Variants in NUBPL observed in about 807,000 individuals in gnomAD.
The protein encoded by NUBPL is iron-sulfur cluster transfer protein NUBPL.
A neutral mutation model predicts 45.7 loss-of-function variants in NUBPL; 31 were observed. The ratio of observed to expected loss-of-function variants is 0.68; its 90% CI spans 0.51 to 0.92. NUBPL has a LOEUF of 0.92. NUBPL is among the 40% of genes least tolerant of loss of function. The pLI, the probability that NUBPL is intolerant of heterozygous loss-of-function variation, is 0.00. For synonymous variants in NUBPL, 144 were observed against 140.9 expected (o/e 1.02, Z -0.15); for missense variants, 401 against 398.7 (o/e 1.01, Z -0.05).
intron 7 of NUBPL, among the ~76,000 whole-genome samples, chr14:31,788,377 T>G (rs1276214276): frequency 6.6e-6 from 1 of 152,228 alleles, no homozygotes; most frequent in East Asian, 1.9e-4. Flanking sequence ...AGTTCCTGCC[T>G]GTCTCAAGTC....
At chr14:31,649,897 T>C (rs891979996) in intron 4 of NUBPL, among the ~76,000 whole-genome samples, 6 of 152,182 alleles carry the variant, frequency 3.9e-5, no homozygotes, top group African/African-American at 1.4e-4. Context: ...TTCACTCTTG[T>C]TGCCCAGGCT....
intron 3 of NUBPL, among the ~76,000 whole-genome samples, chr14:31,592,743 T>G (rs1204780880): frequency 1.3e-5 from 2 of 152,192 alleles, no homozygotes; most frequent in African/African-American, 2.4e-5. Context: ...ATTATCTATA[T>G]TTCTGTTTTT....
chr14:31,822,641 A>T (rs140419187), intron 7 of NUBPL, among the ~76,000 whole-genome samples: 131 of 152,216 alleles, frequency 8.6e-4, no homozygotes, highest in African/African-American at 3.0e-3. Flanking sequence ...TAAGGACTTA[A>T]TCATTAATTA....
intron 3 of NUBPL, among the ~76,000 whole-genome samples, chr14:31,582,542 G>GC (rs1287289334): frequency 1.3e-5 from 2 of 152,142 alleles, no homozygotes; most frequent in Non-Finnish European, 2.9e-5. Context: ...AATGTTTGCA[G>GC]CAACACTGGA....
chr14:31,610,391 C>A lies in NUBPL; in HGVS notation c.382+11012C>A, dbSNP rs557198949. ...TTCAATCTTCCTAAACTTAAACAGA[C>A]CAACAACAAGTAACAAGATCAATGC... is the stretch of plus-strand genomic sequence containing the variant. On this transcript the variant is annotated intron_variant, in intron 4 of 10. Transcript: ENST00000281081. Among the ~76,000 whole-genome samples, 20 of 151,782 alleles carry A rather than the reference C, an allele frequency of 1.3e-4. No individual in the cohort carries two copies. The East Asian group carries it at 2.1e-3, about 16-fold the overall frequency.
chr14:31,646,115 T>C (rs1447600742), intron 4 of NUBPL, among the ~76,000 whole-genome samples: 2 of 152,160 alleles, frequency 1.3e-5, no homozygotes, highest in Non-Finnish European at 2.9e-5. Context: ...GACTATCTTT[T>C]CTTCATATTT....
At chr14:31,789,405 A>C (rs2039340070) in intron 7 of NUBPL, among the ~76,000 whole-genome samples, 1 of 152,174 alleles carries the variant, frequency 6.6e-6, no homozygotes, top group African/African-American at 2.4e-5. Flanking sequence ...GGAGAATTTT[A>C]TAGTCTGCTA....
chr14:31,644,233 TGTTGTGTTA>T lies in NUBPL; in HGVS notation c.383-29121_383-29113del, dbSNP rs558909463. 1.4e-4 allele frequency among the ~76,000 whole-genome samples: 22 copies of T among 152,156 alleles called. No homozygotes were observed. The South Asian group carries it at 4.6e-3, about 32-fold the overall frequency. The stretch of plus-strand genomic sequence containing the variant: ...TTTAGTTTCTTGAGATGCATTGATA[TGTTGTGTTA>T]AGTTATTTATTTGAAGTCTTTCTTT... On this transcript the variant is annotated intron_variant, in intron 4 of 10. Coordinates refer to ENST00000281081, the MANE Select transcript of NUBPL (RefSeq NM_025152.3).
chr14:31,581,086 T>C (rs750143307), intron 3 of NUBPL, among the ~76,000 whole-genome samples: 2 of 152,154 alleles, frequency 1.3e-5, no homozygotes, highest in Non-Finnish European at 2.9e-5. Context: ...AGTTGATAGC[T>C]TGGACTATGG....
intron 7 of NUBPL, among the ~76,000 whole-genome samples, chr14:31,802,551 C>G (rs1461843320): frequency 6.6e-6 from 1 of 152,204 alleles, no homozygotes; most frequent in African/African-American, 2.4e-5. Context: ...GCTGGGATTA[C>G]AGGCGTGAGC....
At chr14:31,840,446 C>T (rs569679039) in intron 8 of NUBPL, among the ~76,000 whole-genome samples, 25 of 151,936 alleles carry the variant, frequency 1.6e-4, no homozygotes, top group Admixed American at 7.9e-4. Flanking sequence ...TGGTGGCGGG[C>T]GCCTGTAGTC....
chr14:31,571,560 C>A (rs1009024071), intron 3 of NUBPL, among the ~76,000 whole-genome samples: 1 of 152,048 alleles, frequency 6.6e-6, no homozygotes, highest in Non-Finnish European at 1.5e-5. Flanking sequence ...AGTGATTCTC[C>A]TGCCTCAGCC....
At chr14:31,590,466 T>G (rs1442457018) in intron 3 of NUBPL, among the ~76,000 whole-genome samples, 1 of 152,192 alleles carries the variant, frequency 6.6e-6, no homozygotes, top group Non-Finnish European at 1.5e-5. Flanking sequence ...CAAAACCAGC[T>G]GCTGGGCCGC....
chr14:31,561,974 C>A lies in NUBPL; in HGVS notation c.109-94C>A, dbSNP rs373367452. The A allele has an allele frequency of 2.5e-5, 32 of 1,286,436 alleles. No homozygotes were observed. In the East Asian group the frequency reaches 7.3e-4, roughly 29 times the overall value. The allele number at this position is 1,286,436 out of a possible 1,614,324, so 79.7% of individuals were successfully genotyped here. Reference sequence around the variant, plus strand: ...GAGCAGAATTAGAAAAGAAAGCCCTCTTAATTGCAAACCCCAGATTGTTTT... The same window carrying A: ...GAGCAGAATTAGAAAAGAAAGCCCTATTAATTGCAAACCCCAGATTGTTTT... On this transcript the variant is annotated intron_variant, in intron 1 of 10. Transcript: ENST00000281081.
At chr14:31,732,372 C>T (rs1444827216) in intron 6 of NUBPL, among the ~76,000 whole-genome samples, 1 of 151,794 alleles carries the variant, frequency 6.6e-6, no homozygotes, top group Admixed American at 6.6e-5. Flanking sequence ...TTTAAAAACA[C>T]TTTTTTAATA....
intron 7 of NUBPL, among the ~76,000 whole-genome samples, chr14:31,818,474 A>G (rs1161486515): frequency 6.6e-6 from 1 of 152,174 alleles, no homozygotes; most frequent in Non-Finnish European, 1.5e-5. Context: ...ATGATTTAGA[A>G]CACCAGTAAT....
At chr14:31,613,933 A>AAG (rs1024148011) in intron 4 of NUBPL, among the ~76,000 whole-genome samples, 1 of 151,108 alleles carries the variant, frequency 6.6e-6, no homozygotes, top group African/African-American at 2.5e-5. Context: ...AGTCTTCAAT[A>AAG]AGAGATATAT....
chr14:31,634,945 T>C (rs1050579957), intron 4 of NUBPL, among the ~76,000 whole-genome samples: 13 of 149,902 alleles, frequency 8.7e-5, no homozygotes, highest in Admixed American at 2.6e-4. Flanking sequence ...TGTTTGTTTT[T>C]TTCTTGTAAA....
At chr14:31,614,675 A>G (rs1163599773) in intron 4 of NUBPL, among the ~76,000 whole-genome samples, 1 of 152,164 alleles carries the variant, frequency 6.6e-6, no homozygotes, top group African/African-American at 2.4e-5. Context: ...TAAAGGAGAC[A>G]TTATTTCTGT....
Sources: allele counts gnomAD v4.1 joint callset (sites outside exome capture counted in the v4.1 genomes callset), GRCh38; gene constraint gnomAD v4.1.1; transcripts MANE v1.5; gene names NCBI Gene and HGNC (gene_info 2026-07-23, HGNC 2026-07-21).